The following PAK3 variants were observed in gnomAD, a reference collection of about 807,000 sequenced individuals.
PAK3 encodes the protein serine/threonine-protein kinase PAK 3.
A neutral mutation model predicts 41.0 loss-of-function variants in PAK3; 4 were observed. The observed-to-expected ratio is 0.10, with a 90% CI of 0.05 to 0.22. The LOEUF is 0.22. Ranked by LOEUF, PAK3 falls within the 10% of genes least tolerant of loss-of-function variation. PAK3 has a pLI of 1.00. For synonymous variants in PAK3, 146 were observed against 139.6 expected (o/e 1.05, Z -0.32); for missense variants, 205 against 409.9 (o/e 0.50, Z 4.32).
chrX:111,154,627 G>A (rs755058185), intron 8 of PAK3, among the ~76,000 whole-genome samples: 8 of 111,240 alleles, frequency 7.2e-5, no homozygotes, highest in South Asian at 3.8e-4. Context: ...TTGTACTTGC[G>A]CTTTGCTCAG....
Position 111,226,521 on chromosome X carries a change from ACTG to A in PAK3, c.*6077_*6079del, listed in dbSNP as rs1261609409. On this transcript the variant is annotated 3_prime_UTR_variant, in exon 18 of 18. Transcript: ENST00000372007. ...GAGCCCATGCATTTTAATGGCTGAG[ACTG>A]CTAAGAGTGAACCTAAACACTTACA... 8.9e-6 allele frequency: 1 copy of A among 112,477 alleles called. No homozygotes were observed. Among genetic ancestry groups the A allele is most frequent in the Non-Finnish European group, 1.9e-5 (1 of 53,371 alleles). The allele number at this position is 112,477 out of a possible 1,213,427, so 9.3% of individuals were successfully genotyped here. A position where few individuals can be genotyped will look rare whatever the true frequency, so the allele number is the denominator to read the frequency against.
chrX:111,029,785 A>G (rs1208654837), intron 1 of PAK3, among the ~76,000 whole-genome samples: 7 of 105,952 alleles, frequency 6.6e-5, no homozygotes, highest in African/African-American at 2.4e-4. Context: ...TCCTGGTGTT[A>G]TTCAAGGTTT....
At chrX:110,982,465 G>A (rs987547972) in intron 1 of PAK3, among the ~76,000 whole-genome samples, 3 of 112,118 alleles carry the variant, frequency 2.7e-5, no homozygotes, top group Non-Finnish European at 5.6e-5. Flanking sequence ...TATATATAAA[G>A]CACTTAGCTC....
chrX:111,001,669 T>C (rs776303817), intron 1 of PAK3, among the ~76,000 whole-genome samples: 1 of 112,447 alleles, frequency 8.9e-6, no homozygotes, highest in South Asian at 3.7e-4. Flanking sequence ...GGCCTGGTAA[T>C]GCATGCACTA....
chrX:111,220,467 C>T lies in PAK3; in HGVS notation c.*20C>T. ...CGCTAAGACTGCAAGCCTTACACCT[C>T]ACCATCTCCCTCATGAGTAAGACTG... On this transcript the variant is annotated 3_prime_UTR_variant, in exon 18 of 18. Coordinates refer to ENST00000372007, the MANE Select transcript of PAK3 (RefSeq NM_002578.5). The T allele has an allele frequency of 2.0e-6, 2 of 991,837 alleles. No individual in the cohort carries two copies. The highest frequency in any genetic ancestry group is 1.4e-6 in the Non-Finnish European group (1 of 697,070). 81.7% of individuals were successfully genotyped at this position (991,837 alleles called of 1,213,427 possible).
At chrX:111,185,100 C>T (rs750252192) in intron 11 of PAK3, among the ~76,000 whole-genome samples, 3 of 111,872 alleles carry the variant, frequency 2.7e-5, no homozygotes, top group Non-Finnish European at 5.6e-5. Flanking sequence ...TTCTAACTGG[C>T]GTGAGATGGT....
At chrX:111,075,323 T>C (rs894564414) in intron 1 of PAK3, among the ~76,000 whole-genome samples, 5 of 112,520 alleles carry the variant, frequency 4.4e-5, no homozygotes, top group Non-Finnish European at 9.4e-5. Context: ...AATGGCTTCA[T>C]GGGCCAGGCC....
intron 1 of PAK3, among the ~76,000 whole-genome samples, chrX:111,064,962 G>A (rs183676758): frequency 2.7e-5 from 3 of 112,262 alleles, no homozygotes; most frequent in Non-Finnish European, 5.6e-5. Context: ...CTTTAAGGTT[G>A]TCTAGGTATA....
chrX:110,985,648 T>C (rs1299574236), intron 1 of PAK3, among the ~76,000 whole-genome samples: 1 of 112,141 alleles, frequency 8.9e-6, no homozygotes, highest in Non-Finnish European at 1.9e-5. Context: ...CAAGACCAGT[T>C]TGGTCAGGAG....
chrX:111,106,799 T>C (rs1293936092), intron 4 of PAK3, among the ~76,000 whole-genome samples: 1 of 112,146 alleles, frequency 8.9e-6, no homozygotes, highest in Non-Finnish European at 1.9e-5. Flanking sequence ...GGCAACCAGT[T>C]GCCAGAGGAA....
chrX:111,155,891 G>C (rs1277951153), intron 8 of PAK3, among the ~76,000 whole-genome samples: 1 of 111,909 alleles, frequency 8.9e-6, no homozygotes, highest in Non-Finnish European at 1.9e-5. Context: ...CAGGAAATAA[G>C]TCTTGAAGGT....
chrX:111,212,377 G>A (rs2094831107), intron 16 of PAK3, among the ~76,000 whole-genome samples: 1 of 111,539 alleles, frequency 9.0e-6, no homozygotes. Flanking sequence ...CATTAGCTGG[G>A]TAGTGGGTAG....
At chrX:111,034,646 C>T (rs749249180) in intron 1 of PAK3, among the ~76,000 whole-genome samples, 1 of 111,534 alleles carries the variant, frequency 9.0e-6, no homozygotes, top group East Asian at 2.8e-4. Flanking sequence ...AGGTGCTGCA[C>T]CCCCTTGAAA....
upstream of PAK3, among the ~76,000 whole-genome samples, chrX:111,094,816 G>A (rs758640116): frequency 9.3e-6 from 1 of 107,092 alleles, no homozygotes; most frequent in Non-Finnish European, 1.9e-5. Flanking sequence ...AGCCTCCCAA[G>A]TAGCTGGGAT....
In PAK3 at chrX:111,216,459, C is replaced by G; in HGVS notation, c.1446C>G (p.Leu482=). The change falls in exon 17 of 18, where the codon CTC becomes CTG. Residue 482 remains leucine, a synonymous_variant. Transcript: ENST00000372007. ...YLIATNGTPE[L]QNPERLSAVF... is the part of the protein sequence containing the mutation. Reference sequence around the variant, plus strand: ...TAGCCACTAATGGAACTCCAGAGCTCCAGAATCCTGAGAGACTGTCAGCTG... The same window carrying G: ...TAGCCACTAATGGAACTCCAGAGCTGCAGAATCCTGAGAGACTGTCAGCTG... The G allele has an allele frequency of 8.4e-7, 1 of 1,187,883 alleles. No homozygotes were observed. The highest frequency in any genetic ancestry group is 1.8e-5 in the South Asian group (1 of 56,389).
intron 3 of PAK3, among the ~76,000 whole-genome samples, chrX:111,097,957 A>G (rs1049812557): frequency 2.7e-5 from 3 of 111,389 alleles, no homozygotes; most frequent in African/African-American, 9.8e-5. Context: ...CTGAGGTCAG[A>G]GAGACCTTAG....
At chrX:110,959,433 T>C (rs775505958) in intron 1 of PAK3, among the ~76,000 whole-genome samples, 1 of 112,068 alleles carries the variant, frequency 8.9e-6, no homozygotes, top group African/African-American at 3.2e-5. Flanking sequence ...GCTTTCCGTC[T>C]GTATCCTTTG....
intron 1 of PAK3, among the ~76,000 whole-genome samples, chrX:111,087,512 A>G (rs1257878591): frequency 4.5e-5 from 5 of 110,493 alleles, no homozygotes; most frequent in African/African-American, 1.6e-4. Context: ...TATCAAACAC[A>G]TCTTCCATGG....
chrX:111,072,882 G>T (rs981254757), intron 1 of PAK3, among the ~76,000 whole-genome samples: 1 of 111,989 alleles, frequency 8.9e-6, no homozygotes, highest in Non-Finnish European at 1.9e-5. Flanking sequence ...TCAGATACAG[G>T]TTAGAAGCAA....
Sources: allele counts gnomAD v4.1 joint callset (sites outside exome capture counted in the v4.1 genomes callset), GRCh38; gene constraint gnomAD v4.1.1; transcripts MANE v1.5; gene names NCBI Gene and HGNC (gene_info 2026-07-23, HGNC 2026-07-21).